MS4A7: variants seen among roughly 807,000 people sequenced by gnomAD.
The protein encoded by MS4A7 is membrane spanning 4-domains A7.
MS4A7 carries 21 observed loss-of-function variants against 23.5 expected under a neutral mutation model. That is an observed-to-expected ratio of 0.89 (90% CI 0.63 to 1.29). The LOEUF (loss-of-function observed/expected upper bound fraction) is 1.29, where lower values mean the gene tolerates loss of function less well. Ranked by LOEUF, MS4A7 falls within the 50% of genes most tolerant of loss-of-function variation. MS4A7 has a pLI of 0.00. For missense variants in MS4A7, 263 were observed against 274.2 expected (o/e 0.96, Z 0.29); for synonymous variants, 111 against 107.4 (o/e 1.03, Z -0.21).
chr11:60,383,371 A>G, intron 2 of MS4A7, 83 bp downstream of exon 2: 1 of 1,498,516 alleles, frequency 6.7e-7, no homozygotes, highest in Non-Finnish European at 9.0e-7. Context: ...TGGGTCTGGG[A>G]AACTCTTTCA....
intron 1 of MS4A7, among the ~76,000 whole-genome samples, chr11:60,379,689 T>G (rs1192844357): frequency 2.0e-5 from 3 of 152,106 alleles, no homozygotes; most frequent in Non-Finnish European, 4.4e-5. Flanking sequence ...CTCACCATCA[T>G]GCCTGGCTAA....
intron 3 of MS4A7, 149 bp downstream of exon 3, chr11:60,385,371 C>T: frequency 2.4e-6 from 2 of 837,420 alleles, no homozygotes; most frequent in Non-Finnish European, 3.8e-6. Context: ...CGTCACATTT[C>T]CCCTATTCAA....
In MS4A7 at chr11:60,394,891, A is replaced by T; in HGVS notation, c.*1030A>T. On this transcript the variant is annotated 3_prime_UTR_variant, in exon 7 of 7. Transcript: ENST00000300184. ...TTTAAATAAATGAATAAAATAAAATAAAAAAGAATATTCAGTCGTTGGCAC... is the reference window on the plus strand; with the variant it reads ...TTTAAATAAATGAATAAAATAAAATTAAAAAGAATATTCAGTCGTTGGCAC... 2 of 543,418 alleles carry T rather than the reference A, an allele frequency of 3.7e-6. No individual in the cohort carries two copies. The highest frequency in any genetic ancestry group is 3.8e-5 in the African/African-American group (2 of 52,902). The allele number at this position is 543,418 out of a possible 1,614,324, so 33.7% of individuals were successfully genotyped here. A position where few individuals can be genotyped will look rare whatever the true frequency, so the allele number is the denominator to read the frequency against.
chr11:60,382,357 A>G lies in MS4A7; in HGVS notation c.-13-772A>G, dbSNP rs1034600186. ...TAAACACAGGCTGTTAATATTTGCT[A>G]CCATATATTGAACACATTCTAAGTG... On this transcript the variant is annotated intron_variant, in intron 1 of 6. Coordinates refer to ENST00000300184, the MANE Select transcript of MS4A7 (RefSeq NM_021201.5). 3.3e-5 allele frequency among the ~76,000 whole-genome samples: 5 copies of G among 152,360 alleles called. No individual in the cohort carries two copies. The East Asian group carries it at 9.6e-4, about 29-fold the overall frequency.
At chr11:60,383,093 C>A in intron 1 of MS4A7, 36 bp from the exon 2 acceptor site, 1 of 1,603,904 alleles carries the variant, frequency 6.2e-7, no homozygotes, top group Non-Finnish European at 8.5e-7. Context: ...GTAAGTCAAA[C>A]CTTGGGAAGT....
chr11:60,390,214 C>T (rs893000083), intron 5 of MS4A7, among the ~76,000 whole-genome samples: 4 of 152,116 alleles, frequency 2.6e-5, no homozygotes, highest in African/African-American at 4.8e-5. Flanking sequence ...AGGGAGACAA[C>T]GGATTTGACT....
Position 60,395,020 on chromosome 11 carries a change from G to A in MS4A7, c.*1159G>A, listed in dbSNP as rs2085599378. On this transcript the variant is annotated 3_prime_UTR_variant, in exon 7 of 7. Transcript: ENST00000300184. ...CTGACTGGCATGTTTTCTGCTTCTA[G>A]CTTGGAGCTAAATGCTGCTCATGCT... 2 of 613,688 alleles carry A rather than the reference G, an allele frequency of 3.3e-6. No individual in the cohort carries two copies. The highest frequency in any genetic ancestry group is 4.9e-5 in the Admixed American group (2 of 40,528). 38.0% of individuals were successfully genotyped at this position (613,688 alleles called of 1,614,324 possible).
intron 6 of MS4A7, 134 bp downstream of exon 6, chr11:60,392,920 TA>T: frequency 3.3e-6 from 2 of 612,976 alleles, no homozygotes; most frequent in Non-Finnish European, 5.7e-6. Flanking sequence ...CTTTTATAAT[TA>T]AAAAAATGAG....
intron 1 of MS4A7, among the ~76,000 whole-genome samples, chr11:60,379,489 T>G (rs2085405792): frequency 6.6e-6 from 1 of 152,204 alleles, no homozygotes; most frequent in African/African-American, 2.4e-5. Context: ...ATGCTTAAAA[T>G]AATTGTAGCC....
chr11:60,386,478 A>T (rs868643983), intron 3 of MS4A7: 14 of 433,176 alleles, frequency 3.2e-5, no homozygotes, highest in African/African-American at 2.4e-4. Context: ...GTTCCTAGTG[A>T]TTTCCACTAA....
At position 60,385,198 on chromosome 11, in the gene MS4A7, G is replaced by T; in HGVS notation, c.258G>T (p.Gly86=). The change falls in exon 3 of 7, where the codon GGG becomes GGT. Residue 86 remains glycine (G), a synonymous_variant. Transcript: ENST00000300184. ...NPAISTTLMS[G]YPFLGALCFG... ...CAATTTCCACCACTTTGATGTCTGG[G>T]TACCCATTTTTAGGAGCTCTGTGTG... 6.2e-7 allele frequency: 1 copy of T among 1,614,032 alleles called. No individual in the cohort carries two copies. Among genetic ancestry groups the T allele is most frequent in the African/African-American group, 1.3e-5 (1 of 74,980 alleles).
Position 60,393,974 on chromosome 11 carries a change from A to C in MS4A7, c.*113A>C. 1.7e-6 allele frequency: 1 copy of C among 591,290 alleles called. No individual in the cohort carries two copies. The highest frequency in any genetic ancestry group is 2.8e-6 in the Non-Finnish European group (1 of 356,962). 36.6% of individuals were successfully genotyped at this position (591,290 alleles called of 1,614,324 possible). On this transcript the variant is annotated 3_prime_UTR_variant, in exon 7 of 7. Transcript: ENST00000300184. ...ATACTGTGAAACAAACTAAAAAAAA[A>C]AAAGCTTTTGTTTTGTATTTGTTTA...
In MS4A7 at chr11:60,389,400, G is replaced by T. The variant is rs768229455; in HGVS notation, c.350G>T (p.Ser117Ile). 9.3e-6 allele frequency: 15 copies of T among 1,611,292 alleles called. No homozygotes were observed. The highest frequency in any genetic ancestry group is 1.2e-5 in the Non-Finnish European group (14 of 1,178,636). The change falls in exon 5 of 7, where the codon AGC becomes ATC. Residue 117 changes from serine (S) to isoleucine (I), a missense_variant. Ser to Ile is a moderately radical substitution (Grantham distance 142, BLOSUM62 -2). Coordinates refer to ENST00000300184, the MANE Select transcript of MS4A7 (RefSeq NM_021201.5). ...GAGTTTCTCTTCCAGGACCTGAGCAGCTTGACCTCAAATGCAGTGAGTTCT... is the reference window on the plus strand; with the variant it reads ...GAGTTTCTCTTCCAGGACCTGAGCATCTTGACCTCAAATGCAGTGAGTTCT... ...KQSTKPFDLS[S>I]LTSNAVSSVT...
At chr11:60,383,010 C>A in intron 1 of MS4A7, 119 bp from the exon 2 acceptor site, 1 of 1,111,100 alleles carries the variant, frequency 9.0e-7, no homozygotes, top group South Asian at 1.6e-5. Flanking sequence ...TTCTGAAGGA[C>A]AACCAGCCTT....
chr11:60,393,856 A>G lies in MS4A7; in HGVS notation c.718A>G (p.Ile240Val). ...CAAAAAGAGTTCTTCACGGTCTTGG[A>G]TATAAGTAACTCTTGGCCTCAGAGG... ...QVKKSSSRSW[I>V] Residue 240 changes from isoleucine (I) to valine (V), a missense_variant, in exon 7 of 7, where the codon ATA becomes GTA. Coordinates refer to ENST00000300184, the MANE Select transcript of MS4A7 (RefSeq NM_021201.5). The G allele has an allele frequency of 1.2e-6, 2 of 1,607,610 alleles. No individual in the cohort carries two copies. Among genetic ancestry groups the G allele is most frequent in the South Asian group, 2.2e-5 (2 of 90,034 alleles).
intron 3 of MS4A7, chr11:60,386,506 T>C (rs556061321): frequency 2.3e-4 from 108 of 464,624 alleles, no homozygotes; most frequent in African/African-American, 2.0e-3. Context: ...CCAACCCCTC[T>C]GTGCATCTGC....
In MS4A7 at chr11:60,381,882, C is replaced by T. The variant is rs59455814; in HGVS notation, c.-13-1247C>T. Among the ~76,000 whole-genome samples the T allele has an allele frequency of 8.9e-3, 1,356 of 152,048 alleles. 23 individuals carry two copies. Among genetic ancestry groups the T allele is most frequent in the African/African-American group, 0.031 (1,273 of 41,476 alleles). ...TGCAACTAGATGCCTAGGCATTGGA[C>T]TCCCATCCCAGTGCACTTTTCCATC... On this transcript the variant is annotated intron_variant, in intron 1 of 6. Transcript: ENST00000300184.
intron 4 of MS4A7, among the ~76,000 whole-genome samples, chr11:60,387,723 G>T (rs1355741379): frequency 6.6e-6 from 1 of 152,158 alleles, no homozygotes; most frequent in African/African-American, 2.4e-5. Flanking sequence ...TTATTATATT[G>T]CCCTAAGTGC....
In MS4A7 at chr11:60,394,924, A is replaced by G. The variant is rs1290454513; in HGVS notation, c.*1063A>G. ...ATATTCAGTCGTTGGCACATAAACT[A>G]TGTTCTCTTCTGTCATTTCAGGGTA... On this transcript the variant is annotated 3_prime_UTR_variant, in exon 7 of 7. Coordinates refer to ENST00000300184, the MANE Select transcript of MS4A7 (RefSeq NM_021201.5). The G allele has an allele frequency of 6.3e-6, 4 of 632,758 alleles. No homozygotes were observed. The highest frequency in any genetic ancestry group is 1.9e-5 in the South Asian group (1 of 51,906). 39.2% of individuals were successfully genotyped at this position (632,758 alleles called of 1,614,324 possible).
Sources: gnomAD v4.1 joint callset for allele counts (sites outside exome capture counted in the v4.1 genomes callset) on GRCh38, gnomAD v4.1.1 for gene constraint, MANE v1.5 for transcripts, NCBI Gene and HGNC (gene_info 2026-07-23, HGNC 2026-07-21) for gene names.